Variants in PCDH15 observed in about 807,000 individuals in gnomAD.
PCDH15 encodes the protein protocadherin related 15, also known as protocadherin-15.
A neutral mutation model predicts 178.5 loss-of-function variants in PCDH15; 129 were observed. That is an observed-to-expected ratio of 0.72 (90% confidence interval 0.63 to 0.84). PCDH15 has a LOEUF of 0.84. Ranked by LOEUF, PCDH15 falls within the 40% of genes least tolerant of loss-of-function variation. The probability of loss-of-function intolerance (pLI) is 0.00; values close to 1 mark genes in which losing one functional copy is unlikely to be tolerated. For synonymous variants in PCDH15, 800 were observed against 732.0 expected (o/e 1.09, Z -1.50); for missense variants, 2,230 against 2,099.9 (o/e 1.06, Z -1.21).
intron 3 of PCDH15, among the ~76,000 whole-genome samples, chr10:54,835,300 C>T (rs1210483321): frequency 2.0e-5 from 3 of 151,970 alleles, no homozygotes; most frequent in African/African-American, 7.2e-5. Flanking sequence ...TCTATAAACC[C>T]ACAAATTTGT....
intron 3 of PCDH15, among the ~76,000 whole-genome samples, chr10:54,425,512 T>G (rs1285478922): frequency 6.6e-6 from 1 of 152,196 alleles, no homozygotes; most frequent in Non-Finnish European, 1.5e-5. Flanking sequence ...ATTACTTAGC[T>G]TTGGATATAC....
intron 2 of PCDH15, chr10:55,599,627 A>T (rs894802971): frequency 3.1e-5 from 7 of 222,344 alleles, no homozygotes; most frequent in African/African-American, 1.6e-4. Flanking sequence ...GACCAGAATA[A>T]TCCACTGACA....
Position 54,227,087 on chromosome 10 carries a change from G to T in PCDH15, c.985+9736C>A, listed in dbSNP as rs144077962. 8.2e-3 allele frequency among the ~76,000 whole-genome samples: 1,243 copies of T among 152,264 alleles called. 10 individuals carry two copies. Among genetic ancestry groups the T allele is most frequent in the African/African-American group, 0.026 (1,082 of 41,544 alleles). ...CTGTTGGTGGATCTACCATTCTGGG[G>T]TCTGTAAAATGGTGGCCCTCTTCTC... On this transcript the variant is annotated intron_variant, in intron 9 of 37. Transcript: ENST00000644397.
chr10:55,541,244 C>T (rs921972760), intron 2 of PCDH15, among the ~76,000 whole-genome samples: 1 of 151,804 alleles, frequency 6.6e-6, no homozygotes, highest in African/African-American at 2.4e-5. Flanking sequence ...ATCAATAAAG[C>T]CAACATTATG....
intron 17 of PCDH15, among the ~76,000 whole-genome samples, chr10:54,070,096 A>G (rs979428738): frequency 6.6e-6 from 1 of 152,226 alleles, no homozygotes; most frequent in Admixed American, 6.5e-5. Flanking sequence ...GAACACTTTC[A>G]TGTTCATTAT....
At chr10:54,144,607 T>A (rs192899675) in intron 14 of PCDH15, among the ~76,000 whole-genome samples, 1 of 152,248 alleles carries the variant, frequency 6.6e-6, no homozygotes, top group East Asian at 1.9e-4. Context: ...GAGACTGATC[T>A]CCCATCGCCT....
intron 2 of PCDH15, among the ~76,000 whole-genome samples, chr10:55,375,558 G>A (rs148834347): frequency 5.9e-5 from 9 of 152,112 alleles, no homozygotes; most frequent in African/African-American, 1.9e-4. Context: ...TAAATGCTAT[G>A]GGGAGAGTGT....
chr10:54,216,485 G>C (rs1431597809), intron 9 of PCDH15, among the ~76,000 whole-genome samples: 1 of 151,976 alleles, frequency 6.6e-6, no homozygotes, highest in African/African-American at 2.4e-5. Flanking sequence ...CGGGGCTAGA[G>C]AAAAAACTGT....
At chr10:55,436,707 G>A (rs192687876) in intron 2 of PCDH15, among the ~76,000 whole-genome samples, 75 of 152,196 alleles carry the variant, frequency 4.9e-4, no homozygotes, top group African/African-American at 1.6e-3. Flanking sequence ...GCAAATTTGC[G>A]TAAAGAGAAT....
At chr10:54,419,946 A>G (rs1480876758) in intron 3 of PCDH15, among the ~76,000 whole-genome samples, 3 of 152,092 alleles carry the variant, frequency 2.0e-5, no homozygotes, top group African/African-American at 4.8e-5. Context: ...AGGAGCTTCA[A>G]AGAGTCTGTC....
chr10:54,368,992 A>T, intron 5 of PCDH15, 128 bp downstream of exon 5: 4 of 1,036,880 alleles, frequency 3.9e-6, no homozygotes, highest in Admixed American at 4.3e-5. Flanking sequence ...CTATTTTTTT[A>T]ATGTTTTCTT....
intron 5 of PCDH15, among the ~76,000 whole-genome samples, chr10:54,359,066 C>G (rs1290941281): frequency 8.6e-5 from 13 of 150,544 alleles, no homozygotes; most frequent in African/African-American, 2.4e-4. Context: ...TGCTAAATGA[C>G]GAGTTAATGG....
At chr10:55,553,669 G>GT (rs1842039630) in intron 2 of PCDH15, among the ~76,000 whole-genome samples, 1 of 151,640 alleles carries the variant, frequency 6.6e-6, no homozygotes, top group South Asian at 2.1e-4. Context: ...CATAAACCCT[G>GT]TATCTTAAAT....
In PCDH15 at chr10:54,356,707, A is replaced by C. The variant is rs138575856; in HGVS notation, c.475-10223T>G. ...CAAAAACAAAAAAAAAGCAAAAACT[A>C]TCACAGTTTAGAGGAGACTGAAGAA... On this transcript the variant is annotated intron_variant, in intron 5 of 37. Coordinates refer to ENST00000644397, the MANE Select transcript of PCDH15 (RefSeq NM_001384140.1). Among the ~76,000 whole-genome samples, 231 of 152,146 alleles carry C rather than the reference A, an allele frequency of 1.5e-3. 1 individual carries two copies. The highest frequency in any genetic ancestry group is 5.4e-3 in the African/African-American group (224 of 41,552).
chr10:55,141,005 T>A (rs1469242599), intron 2 of PCDH15, among the ~76,000 whole-genome samples: 1 of 152,076 alleles, frequency 6.6e-6, no homozygotes, highest in African/African-American at 2.4e-5. Context: ...TGGATAATTG[T>A]CACTTTTATT....
chr10:55,205,599 G>A (rs1374322079), intron 1 of PCDH15, among the ~76,000 whole-genome samples: 1 of 151,824 alleles, frequency 6.6e-6, no homozygotes, highest in African/African-American at 2.4e-5. Flanking sequence ...ATATTTTTGA[G>A]GACATTAGGT....
At chr10:53,826,763 A>G (rs12251918) in intron 32 of PCDH15, among the ~76,000 whole-genome samples, 5,710 of 152,218 alleles carry the variant, frequency 0.038, 365 homozygotes, top group African/African-American at 0.13. Context: ...GTGCAGGAGA[A>G]ATATTCGGTA....
intron 1 of PCDH15, among the ~76,000 whole-genome samples, chr10:55,184,770 CT>C (rs1839750282): frequency 6.6e-6 from 1 of 151,822 alleles, no homozygotes; most frequent in South Asian, 2.1e-4. Context: ...TAAACTTGAT[CT>C]TTTTTATTCT....
intron 2 of PCDH15, among the ~76,000 whole-genome samples, chr10:54,920,468 C>CA (rs71014429): frequency 0.38 from 21,898 of 57,626 alleles, 6,620 homozygotes; most frequent in Non-Finnish European, 0.45. Context: ...GACTGTGTCT[C>CA]AAAAAAAAAA....
Sources: gnomAD v4.1 joint callset for allele counts (sites outside exome capture counted in the v4.1 genomes callset) on GRCh38, gnomAD v4.1.1 for gene constraint, MANE v1.5 for transcripts, NCBI Gene and HGNC (gene_info 2026-07-23, HGNC 2026-07-21) for gene names.